TTC27: variants seen among roughly 807,000 people sequenced by gnomAD.
TTC27 encodes tetratricopeptide repeat protein 27.
TTC27 carries 79 observed loss-of-function variants against 115.9 expected under a neutral mutation model. That is an observed-to-expected ratio of 0.68 (90% CI 0.57 to 0.82). The LOEUF is 0.82. Among genes scored for constraint, TTC27 ranks in the 40% least tolerant of loss-of-function variants. The pLI is 0.00. For synonymous variants in TTC27, 401 were observed against 356.0 expected, an observed-to-expected ratio of 1.13 and a Z score of -1.42; for missense variants, 1,054 against 993.1, an observed-to-expected ratio of 1.06 and a Z score of -0.82.
intron 13 of TTC27, chr2:32,766,659 G>A (rs921349711): frequency 1.3e-5 from 2 of 158,072 alleles, no homozygotes; most frequent in Non-Finnish European, 2.8e-5. Context: ...TAATAATAAT[G>A]AAAAGATTTG....
At chr2:32,806,293 A>T (rs1347437070) in intron 16 of TTC27, among the ~76,000 whole-genome samples, 4 of 152,194 alleles carry the variant, frequency 2.6e-5, no homozygotes, top group Non-Finnish European at 5.9e-5. Flanking sequence ...ACTACCCAAG[A>T]GGAAATTGTA....
intron 16 of TTC27, among the ~76,000 whole-genome samples, chr2:32,807,206 T>A (rs1671160729): frequency 6.6e-6 from 1 of 152,186 alleles, no homozygotes; most frequent in African/African-American, 2.4e-5. Flanking sequence ...TGTATTTATG[T>A]CTGCTTTTTC....
intron 10 of TTC27, among the ~76,000 whole-genome samples, chr2:32,709,336 G>GT (rs1312975509): frequency 3.3e-5 from 5 of 152,134 alleles, no homozygotes; most frequent in African/African-American, 1.2e-4. Flanking sequence ...CCATAACCTT[G>GT]TGATTATGGT....
intron 15 of TTC27, 27 bp downstream of exon 15, chr2:32,782,705 A>C (rs763086271): frequency 4.5e-6 from 7 of 1,563,860 alleles, no homozygotes; most frequent in Non-Finnish European, 5.3e-6. Context: ...AATATGAAGA[A>C]ATTTGCTTCC....
intron 14 of TTC27, among the ~76,000 whole-genome samples, chr2:32,779,624 C>T (rs935339158): frequency 2.6e-5 from 4 of 151,540 alleles, no homozygotes; most frequent in African/African-American, 9.7e-5. Context: ...TGATTGTGCA[C>T]TTTAAAGCAC....
intron 10 of TTC27, among the ~76,000 whole-genome samples, chr2:32,715,690 C>A (rs1019091960): frequency 1.1e-4 from 16 of 151,978 alleles, no homozygotes; most frequent in African/African-American, 3.9e-4. Flanking sequence ...AGTTGGTAGT[C>A]CTTTCTTTAT....
chr2:32,786,851 T>A, intron 15 of TTC27, 133 bp from the exon 16 acceptor site: 1 of 766,882 alleles, frequency 1.3e-6, no homozygotes, highest in Non-Finnish European at 2.0e-6. Flanking sequence ...GTTGTCTGGG[T>A]CTCTAATTCT....
At chr2:32,731,571 G>T (rs1443699540) in intron 10 of TTC27, among the ~76,000 whole-genome samples, 1 of 152,128 alleles carries the variant, frequency 6.6e-6, no homozygotes, top group Non-Finnish European at 1.5e-5. Context: ...TGGAGATGTG[G>T]TCTTACCATG....
At chr2:32,648,627 T>C (rs1274445149) in intron 4 of TTC27, among the ~76,000 whole-genome samples, 1 of 151,750 alleles carries the variant, frequency 6.6e-6, no homozygotes, top group African/African-American at 2.4e-5. Flanking sequence ...TTTAAGTAAA[T>C]ATATGTTGAT....
chr2:32,630,808 T>G, intron 2 of TTC27, 108 bp downstream of exon 2: 1 of 1,014,556 alleles, frequency 9.9e-7, no homozygotes. Context: ...TGCCTTATAT[T>G]TTACTCAAGA....
intron 13 of TTC27, among the ~76,000 whole-genome samples, chr2:32,764,067 G>T (rs1669539507): frequency 6.6e-6 from 1 of 152,136 alleles, no homozygotes; most frequent in African/African-American, 2.4e-5. Flanking sequence ...CTGAAAAAGA[G>T]AAATATTATG....
chr2:32,815,707 G>T (rs1177499613), intron 18 of TTC27, among the ~76,000 whole-genome samples: 1 of 152,120 alleles, frequency 6.6e-6, no homozygotes, highest in Non-Finnish European at 1.5e-5. Flanking sequence ...GATCTAAACT[G>T]CTGGGTACTA....
chr2:32,717,906 C>T lies in TTC27; in HGVS notation c.1233+14986C>T, dbSNP rs139832016. On this transcript the variant is annotated intron_variant, in intron 10 of 19. Coordinates refer to ENST00000317907, the MANE Select transcript of TTC27 (RefSeq NM_017735.5). ...AGCCTGGTTTCCGATCCCAGCGCTA[C>T]CATATATTATACCTGCTTATACCTT... Among the ~76,000 whole-genome samples the T allele has an allele frequency of 2.9e-3, 440 of 152,236 alleles. 2 individuals carry two copies. Among genetic ancestry groups the T allele is most frequent in the Non-Finnish European group, 4.7e-3 (323 of 68,022 alleles).
chr2:32,777,108 C>A (rs117705331), intron 13 of TTC27, among the ~76,000 whole-genome samples: 1 of 152,236 alleles, frequency 6.6e-6, no homozygotes, highest in East Asian at 1.9e-4. Context: ...AGATTCTGAA[C>A]CTCCTTTTTC....
chr2:32,643,004 C>T (rs911071509), intron 4 of TTC27, among the ~76,000 whole-genome samples: 8 of 152,098 alleles, frequency 5.3e-5, no homozygotes, highest in African/African-American at 1.9e-4. Flanking sequence ...GCGTCTTGCT[C>T]TGTCGCCCAG....
chr2:32,727,211 G>A lies in TTC27; in HGVS notation c.1234-6617G>A, dbSNP rs114597565. 2.5e-3 allele frequency among the ~76,000 whole-genome samples: 384 copies of A among 152,252 alleles called. 5 individuals carry two copies. Among genetic ancestry groups the A allele is most frequent in the African/African-American group, 9.1e-3 (377 of 41,548 alleles). On this transcript the variant is annotated intron_variant, in intron 10 of 19. Transcript: ENST00000317907. ...AGCTTCCTAATATTTTAAATATTGA[G>A]ACAAGATTTTTCTGATGAGATTGTG...
intron 10 of TTC27, among the ~76,000 whole-genome samples, chr2:32,730,595 A>T (rs1668259801): frequency 1.3e-5 from 2 of 151,702 alleles, no homozygotes; most frequent in Non-Finnish European, 1.5e-5. Flanking sequence ...TAGGCAAATA[A>T]ACAGTACACC....
At chr2:32,674,526 T>G (rs553609312) in intron 8 of TTC27, among the ~76,000 whole-genome samples, 2 of 152,208 alleles carry the variant, frequency 1.3e-5, no homozygotes, top group Non-Finnish European at 2.9e-5. Context: ...ATATATGCAA[T>G]AGTAAGTTTT....
At chr2:32,816,733 T>C (rs1315758337) in intron 18 of TTC27, among the ~76,000 whole-genome samples, 1 of 152,200 alleles carries the variant, frequency 6.6e-6, no homozygotes, top group African/African-American at 2.4e-5. Context: ...TGGGTTGCTG[T>C]CAGTGCTTCC....
Sources: gnomAD v4.1 joint callset for allele counts (sites outside exome capture counted in the v4.1 genomes callset) on GRCh38, gnomAD v4.1.1 for gene constraint, MANE v1.5 for transcripts, NCBI Gene and HGNC (gene_info 2026-07-23, HGNC 2026-07-21) for gene names.